STK10: variants seen among roughly 807,000 people sequenced by gnomAD.
STK10 encodes serine/threonine kinase 10.
A neutral mutation model predicts 113.8 loss-of-function variants in STK10; 78 were observed. That is an observed-to-expected ratio of 0.69 (90% CI 0.57 to 0.83). STK10 has a LOEUF of 0.83. STK10 is among the 40% of genes least tolerant of loss of function. The pLI is 0.00. For synonymous variants in STK10, 465 were observed against 494.7 expected (o/e 0.94, Z 0.80); for missense variants, 1,109 against 1,280.1 (o/e 0.87, Z 2.04).
chr5:172,060,213 G>A (rs1183137640), intron 14 of STK10, among the ~76,000 whole-genome samples: 1 of 152,122 alleles, frequency 6.6e-6, no homozygotes. Flanking sequence ...TTTGAGACCA[G>A]CCTGGACAAC....
At chr5:172,046,313 T>C (rs1384533695) in intron 18 of STK10, among the ~76,000 whole-genome samples, 3 of 147,188 alleles carry the variant, frequency 2.0e-5, no homozygotes, top group Non-Finnish European at 4.5e-5. Flanking sequence ...GCCGAGATCG[T>C]GCCACTGCAC....
At position 172,093,614 on chromosome 5, in the gene STK10, C is replaced by T. The variant is rs748948179; in HGVS notation, c.1352G>A (p.Arg451Gln). The T allele has an allele frequency of 9.3e-6, 15 of 1,614,114 alleles. No individual in the cohort carries two copies. Among genetic ancestry groups the T allele is most frequent in the African/African-American group, 2.7e-5 (2 of 74,960 alleles). ...ANRSQKASQSRPNSSALETLG... is the reference protein window; with the variant it reads ...ANRSQKASQSQPNSSALETLG... ...GGTCTCCAGGGCGCTGCTGTTGGGCCGGCTCTGGCTGGCCTTTTGAGATCT... is the reference window on the plus strand; with the variant it reads ...GGTCTCCAGGGCGCTGCTGTTGGGCTGGCTCTGGCTGGCCTTTTGAGATCT... Residue 451 changes from arginine (R) to glutamine (Q), a missense_variant, in exon 9 of 19, where the codon CGG (arginine) becomes CAG (glutamine). This residue lies in a region of STK10 where 885 missense variants were observed against 991.1 expected (regional missense o/e 0.89). Coordinates refer to ENST00000176763, the MANE Select transcript of STK10 (RefSeq NM_005990.4). This position sits in a 1 kb window ranked among gnomAD's most constrained non-coding sequence, Gnocchi z 4.1.
At chr5:172,129,294 C>T (rs1380067903) in intron 2 of STK10, among the ~76,000 whole-genome samples, 2 of 152,200 alleles carry the variant, frequency 1.3e-5, no homozygotes, top group African/African-American at 2.4e-5. Flanking sequence ...TGCCACTTGC[C>T]TTGGAGGGCT....
intron 18 of STK10, among the ~76,000 whole-genome samples, chr5:172,049,913 C>T (rs761505516): frequency 5.8e-4 from 88 of 152,334 alleles, no homozygotes; most frequent in African/African-American, 2.0e-3. Context: ...AGTGATTCTC[C>T]TGCCTCAGCC....
chr5:172,129,418 G>A (rs1043254460), intron 2 of STK10, among the ~76,000 whole-genome samples: 24 of 152,108 alleles, frequency 1.6e-4, no homozygotes, highest in African/African-American at 4.8e-4. Context: ...CATCAACAAC[G>A]GGCCTGACCT....
intron 14 of STK10, among the ~76,000 whole-genome samples, chr5:172,060,433 C>A (rs910385450): frequency 5.3e-5 from 8 of 151,926 alleles, no homozygotes; most frequent in African/African-American, 1.7e-4. Context: ...AACAAAAATC[C>A]CCAAAACCCA....
chr5:172,137,144 C>T (rs1470974371), intron 2 of STK10, among the ~76,000 whole-genome samples: 3 of 152,070 alleles, frequency 2.0e-5, no homozygotes. Context: ...CTGTTATATC[C>T]TGGGTCTGTT....
chr5:172,165,635 G>C (rs952066872), intron 1 of STK10, among the ~76,000 whole-genome samples: 10 of 152,160 alleles, frequency 6.6e-5, no homozygotes, highest in Non-Finnish European at 1.3e-4. Context: ...CCCTGGGCCG[G>C]GGCATACCCC....
chr5:172,177,235 T>A (rs1349353885), intron 1 of STK10, among the ~76,000 whole-genome samples: 1 of 151,490 alleles, frequency 6.6e-6, no homozygotes, highest in Non-Finnish European at 1.5e-5. Flanking sequence ...CTATGTGAGG[T>A]CACAGCGAGA....
intron 10 of STK10, among the ~76,000 whole-genome samples, chr5:172,088,661 C>T (rs888275053): frequency 6.6e-6 from 1 of 152,274 alleles, no homozygotes; most frequent in African/African-American, 2.4e-5. Flanking sequence ...GACTCCGTGG[C>T]TCCATGGCCT....
Position 172,043,781 on chromosome 5 carries a change from C to T in STK10, c.*1101G>A, listed in dbSNP as rs1049287832. The T allele has an allele frequency of 3.3e-5, 5 of 152,202 alleles. No individual in the cohort carries two copies. The highest frequency in any genetic ancestry group is 7.3e-5 in the Non-Finnish European group (5 of 68,048). The allele number at this position is 152,202 out of a possible 1,614,324, so 9.4% of individuals were successfully genotyped here. Reference sequence around the variant, plus strand: ...CTGGGGCAGGGGCATTCCATTTCCCCCTGATGCTTTTTCTTCCTGAAGAGA... The same window carrying T: ...CTGGGGCAGGGGCATTCCATTTCCCTCTGATGCTTTTTCTTCCTGAAGAGA... On this transcript the variant is annotated 3_prime_UTR_variant, in exon 19 of 19. Transcript: ENST00000176763.
chr5:172,165,679 G>A (rs1293907260), intron 1 of STK10, among the ~76,000 whole-genome samples: 2 of 152,194 alleles, frequency 1.3e-5, no homozygotes, highest in Admixed American at 6.5e-5. Flanking sequence ...AACCAAGGGC[G>A]CCTGAAAATG....
intron 2 of STK10, among the ~76,000 whole-genome samples, chr5:172,149,464 G>A (rs1770158992): frequency 6.6e-6 from 1 of 152,142 alleles, no homozygotes; most frequent in Admixed American, 6.5e-5. Context: ...TGCAAAGCCT[G>A]TGCAGACTTT....
chr5:172,115,222 T>G (rs1396500899), intron 4 of STK10: 1 of 152,398 alleles, frequency 6.6e-6, no homozygotes, highest in African/African-American at 2.4e-5. Flanking sequence ...CCCTCCTGCC[T>G]GGGCCTCACT....
At chr5:172,158,100 T>A (rs187885862) in intron 1 of STK10, among the ~76,000 whole-genome samples, 32 of 152,282 alleles carry the variant, frequency 2.1e-4, no homozygotes, top group Non-Finnish European at 3.2e-4. Flanking sequence ...CTAAGATGGC[T>A]ATAATTTTAA....
intron 2 of STK10, 61 bp from the exon 3 acceptor site, chr5:172,127,482 C>T (rs1581169153): frequency 6.3e-7 from 1 of 1,577,808 alleles, no homozygotes; most frequent in South Asian, 1.1e-5. Context: ...GAGACGGGAA[C>T]CCCACAGGCC....
chr5:172,078,948 CA>C (rs2113726114), intron 12 of STK10, among the ~76,000 whole-genome samples: 1 of 68,514 alleles, frequency 1.5e-5, no homozygotes, highest in Admixed American at 1.2e-4. Flanking sequence ...CTTATAAGTC[CA>C]CACACACACA....
Position 172,117,791 on chromosome 5 carries a change from G to C in STK10, c.371-161C>G, listed in dbSNP as rs111818617. On this transcript the variant is annotated intron_variant, in intron 3 of 18. Transcript: ENST00000176763. Reference sequence around the variant, plus strand: ...GCACTTTGAGAGGCCGAGGCAGGTGGATTACGAGGTCAGGGGTTCAAGGCC... The same window carrying C: ...GCACTTTGAGAGGCCGAGGCAGGTGCATTACGAGGTCAGGGGTTCAAGGCC... Among the ~76,000 whole-genome samples, 9 of 152,154 alleles carry C rather than the reference G, an allele frequency of 5.9e-5. 1 individual carries two copies. Among genetic ancestry groups the C allele is most frequent in the African/African-American group, 2.2e-4 (9 of 41,494 alleles).
chr5:172,071,035 C>T (rs553283065), intron 12 of STK10, among the ~76,000 whole-genome samples: 38 of 151,192 alleles, frequency 2.5e-4, no homozygotes, highest in African/African-American at 8.7e-4. Flanking sequence ...TGGTGAGAGC[C>T]CATGTCTACT....
Sources: gnomAD v4.1 joint callset for allele counts (sites outside exome capture counted in the v4.1 genomes callset) on GRCh38, gnomAD v4.1.1 for gene constraint, gnomAD v4.1.1 regional missense constraint, Gnocchi (gnomAD v3.1) non-coding constraint, MANE v1.5 for transcripts, NCBI Gene and HGNC (gene_info 2026-07-23, HGNC 2026-07-21) for gene names.